LRRN1: variants seen among roughly 807,000 people sequenced by gnomAD.
LRRN1 encodes the protein leucine-rich repeat neuronal protein 1.
A neutral mutation model predicts 45.8 loss-of-function variants in LRRN1; 14 were observed. The observed-to-expected ratio is 0.31, with a 90% CI of 0.20 to 0.48. LRRN1 has a LOEUF of 0.48. LRRN1 is among the 20% of genes least tolerant of loss of function. LRRN1 has a pLI of 0.99. For synonymous variants in LRRN1, 359 were observed against 330.1 expected (o/e 1.09, Z -0.95); for missense variants, 789 against 874.2 (o/e 0.90, Z 1.23).
chr3:3,806,928 A>AG (rs1692773858), intron 1 of LRRN1, among the ~76,000 whole-genome samples: 1 of 152,086 alleles, frequency 6.6e-6, no homozygotes, highest in Non-Finnish European at 1.5e-5. Context: ...TCACCCATCT[A>AG]GGGGGAGACT....
intron 1 of LRRN1, among the ~76,000 whole-genome samples, chr3:3,830,535 G>A (rs547388124): frequency 6.6e-6 from 1 of 152,298 alleles, no homozygotes; most frequent in African/African-American, 2.4e-5. Context: ...TCTGCATATT[G>A]TGCAGAACCA....
intron 1 of LRRN1, among the ~76,000 whole-genome samples, chr3:3,812,299 G>A (rs1186532276): frequency 6.6e-6 from 1 of 152,182 alleles, no homozygotes; most frequent in Non-Finnish European, 1.5e-5. Flanking sequence ...GAGGCCAGGA[G>A]AATGTAACAT....
chr3:3,845,660 A>T lies in LRRN1; in HGVS notation c.1019A>T (p.Glu340Val). Residue 340 changes from glutamate (E) to valine (V), a missense_variant, in exon 2 of 2, where the codon GAA becomes GTA. Transcript: ENST00000319331. This position sits in a 1 kb window ranked among gnomAD's most constrained non-coding sequence, Gnocchi z 6.5. ...GCTTTCCGAAGTGTCCCTGCTCTGG[A>T]AAGCTTGATGCTGAACAACAATGCC... ...RLAFRSVPAL[E>V]SLMLNNNALN... 6.2e-7 allele frequency: 1 copy of T among 1,614,050 alleles called. No homozygotes were observed. The highest frequency in any genetic ancestry group is 8.5e-7 in the Non-Finnish European group (1 of 1,180,020).
chr3:3,838,195 C>G (rs1345404885), intron 1 of LRRN1, among the ~76,000 whole-genome samples: 1 of 152,128 alleles, frequency 6.6e-6, no homozygotes, highest in Non-Finnish European at 1.5e-5. Flanking sequence ...ACTGACTACT[C>G]ATATGCAGAA....
At chr3:3,841,851 AAGTC>A (rs1368391776) in intron 1 of LRRN1, among the ~76,000 whole-genome samples, 24 of 152,138 alleles carry the variant, frequency 1.6e-4, no homozygotes, top group Non-Finnish European at 1.5e-5. Flanking sequence ...TTCCAGATAA[AAGTC>A]AGAGTCAACT....
rs80123304 is a variant in LRRN1, at chr3:3,813,966, C to A, written c.-279+14047C>A. Among the ~76,000 whole-genome samples the A allele has an allele frequency of 6.3e-3, 964 of 152,074 alleles. 55 individuals carry two copies. In the East Asian group the frequency reaches 0.14, roughly 22 times the overall value. ...CTTGTTTTGAGAACTGCTATCATCC[C>A]ATCACTCAGGCTCAACCTTGAAATT... On this transcript the variant is annotated intron_variant, in intron 1 of 1. Transcript: ENST00000319331.
At chr3:3,837,571 C>T (rs1472752380) in intron 1 of LRRN1, among the ~76,000 whole-genome samples, 5 of 152,086 alleles carry the variant, frequency 3.3e-5, no homozygotes, top group African/African-American at 7.2e-5. Flanking sequence ...ACTCTATAGT[C>T]CAAGGAACTA....
chr3:3,813,182 G>T (rs1692916239), intron 1 of LRRN1, among the ~76,000 whole-genome samples: 2 of 152,234 alleles, frequency 1.3e-5, no homozygotes, highest in Admixed American at 1.3e-4. Context: ...ATGAACAGAG[G>T]TGACTGCTGG....
chr3:3,801,577 G>A (rs1692653646), intron 1 of LRRN1, among the ~76,000 whole-genome samples: 1 of 152,138 alleles, frequency 6.6e-6, no homozygotes, highest in African/African-American at 2.4e-5. Context: ...CAGATGTCTG[G>A]CCTCATCCAT....
At position 3,846,576 on chromosome 3, in the gene LRRN1, T is replaced by C. The variant is rs1057152941; in HGVS notation, c.1935T>C (p.Leu645=). Residue 645 remains leucine (L), a synonymous_variant, in exon 2 of 2, where the codon CTT becomes CTC. Coordinates refer to ENST00000319331, the MANE Select transcript of LRRN1 (RefSeq NM_020873.7). This position sits in a 1 kb window ranked among gnomAD's most constrained non-coding sequence, Gnocchi z 5.7. ...VMGSMFAVIS[L]ASIAVYFAKR... is the part of the protein sequence containing the mutation. ...GGTCTATGTTTGCCGTCATTAGCCTTGCGTCCATTGCTGTGTACTTTGCCA... is the reference window on the plus strand; with the variant it reads ...GGTCTATGTTTGCCGTCATTAGCCTCGCGTCCATTGCTGTGTACTTTGCCA... 2 of 1,614,024 alleles carry C rather than the reference T, an allele frequency of 1.2e-6. No homozygotes were observed. The highest frequency in any genetic ancestry group is 2.7e-5 in the African/African-American group (2 of 74,918).
intron 1 of LRRN1, among the ~76,000 whole-genome samples, chr3:3,813,964 C>T (rs1332536420): frequency 6.6e-6 from 1 of 152,016 alleles, no homozygotes; most frequent in Non-Finnish European, 1.5e-5. Flanking sequence ...CTGCTATCAT[C>T]CCATCACTCA....
Position 3,844,677 on chromosome 3 carries a change from A to G in LRRN1, c.36A>G (p.Gln12=), listed in dbSNP as rs199671876. 49 of 1,613,370 alleles carry G rather than the reference A, an allele frequency of 3.0e-5. No individual in the cohort carries two copies. The highest frequency in any genetic ancestry group is 1.1e-4 in the South Asian group (10 of 91,020). ...ARMSFVIAAC[Q]LVLGLLMTSL... ...TGAGCTTTGTTATAGCAGCTTGCCA[A>G]TTGGTGCTGGGCCTACTAATGACTT... Residue 12 remains glutamine (Q), a synonymous_variant, in exon 2 of 2, where the codon CAA becomes CAG. Transcript: ENST00000319331.
In LRRN1 at chr3:3,844,984, C is replaced by T; in HGVS notation, c.343C>T (p.Leu115=). ...CTTTACTAACATTAAGGAGGTCGGGCTGGCAAACCTAACCCAGCTCACAAC... is the reference window on the plus strand; with the variant it reads ...CTTTACTAACATTAAGGAGGTCGGGTTGGCAAACCTAACCCAGCTCACAAC... ...NNFTNIKEVG[L]ANLTQLTTLH... Residue 115 remains leucine (L), a synonymous_variant, in exon 2 of 2, where the codon CTG becomes TTG. Transcript: ENST00000319331. 6.2e-7 allele frequency: 1 copy of T among 1,614,138 alleles called. No individual in the cohort carries two copies. Among genetic ancestry groups the T allele is most frequent in the Non-Finnish European group, 8.5e-7 (1 of 1,180,020 alleles).
At chr3:3,802,842 T>G (rs961764887) in intron 1 of LRRN1, among the ~76,000 whole-genome samples, 5 of 152,340 alleles carry the variant, frequency 3.3e-5, no homozygotes, top group African/African-American at 9.6e-5. Context: ...TATCTAGATA[T>G]TTTTGAAACC....
In LRRN1 at chr3:3,816,603, A is replaced by G. The variant is rs1053567828; in HGVS notation, c.-279+16684A>G. ...GAAGAAAACTATGTCTTAGTAAAAA[A>G]TATATAACCACCCTTATTAAAGGCA... On this transcript the variant is annotated intron_variant, in intron 1 of 1. Transcript: ENST00000319331. The surrounding 1 kb of genome is among the most constrained non-coding windows in gnomAD (Gnocchi z 4.0). Among the ~76,000 whole-genome samples, 2 of 152,200 alleles carry G rather than the reference A, an allele frequency of 1.3e-5. No homozygotes were observed. The highest frequency in any genetic ancestry group is 2.9e-5 in the Non-Finnish European group (2 of 68,030).
Position 3,844,451 on chromosome 3 carries a change from T to G in LRRN1, c.-191T>G. 1 of 561,656 alleles carries G rather than the reference T, an allele frequency of 1.8e-6. No individual in the cohort carries two copies. The highest frequency in any genetic ancestry group is 3.1e-6 in the Non-Finnish European group (1 of 318,818). 34.8% of individuals were successfully genotyped at this position (561,656 alleles called of 1,614,324 possible). On this transcript the variant is annotated 5_prime_UTR_variant, in exon 2 of 2. Coordinates refer to ENST00000319331, the MANE Select transcript of LRRN1 (RefSeq NM_020873.7). ...GAATTGAGAGACACAGTTAAAAGACTCCAAGTTGCTTTCTGCCTTTTGAAA... is the reference window on the plus strand; with the variant it reads ...GAATTGAGAGACACAGTTAAAAGACGCCAAGTTGCTTTCTGCCTTTTGAAA...
chr3:3,844,713 G>A lies in LRRN1; in HGVS notation c.72G>A (p.Glu24=). 6.2e-7 allele frequency: 1 copy of A among 1,614,100 alleles called. No individual in the cohort carries two copies. Among genetic ancestry groups the A allele is most frequent in the Non-Finnish European group, 8.5e-7 (1 of 1,179,986 alleles). ...GCCTACTAATGACTTCATTAACCGA[G>A]TCTTCCATACAGAATAGTGAGTGTC... ...VLGLLMTSLT[E]SSIQNSECPQ... is the part of the protein sequence containing the mutation. The change falls in exon 2 of 2, where the codon GAG becomes GAA. Residue 24 remains glutamate, a synonymous_variant. Transcript: ENST00000319331.
At chr3:3,838,101 T>C (rs1410640996) in intron 1 of LRRN1, among the ~76,000 whole-genome samples, 2 of 152,038 alleles carry the variant, frequency 1.3e-5, no homozygotes, top group African/African-American at 4.8e-5. Context: ...AGACCACCCA[T>C]CTACAACCAT....
intron 1 of LRRN1, among the ~76,000 whole-genome samples, chr3:3,828,344 A>G (rs1159673103): frequency 1.3e-5 from 2 of 151,932 alleles, no homozygotes; most frequent in African/African-American, 4.8e-5. Flanking sequence ...AGAAAGATGT[A>G]GGCTAGGAGG....
Sources: allele counts gnomAD v4.1 joint callset (sites outside exome capture counted in the v4.1 genomes callset), GRCh38; gene constraint gnomAD v4.1.1; non-coding constraint Gnocchi (gnomAD v3.1); transcripts MANE v1.5; gene names NCBI Gene and HGNC (gene_info 2026-07-23, HGNC 2026-07-21).